Variants in GNAI2 observed in about 807,000 individuals in gnomAD.
GNAI2 encodes guanine nucleotide-binding protein G(i) subunit alpha-2.
In GNAI2, 4 loss-of-function variants were observed where a neutral mutation model predicts 36.8. The observed-to-expected ratio is 0.11, with a 90% CI of 0.05 to 0.25. The LOEUF (loss-of-function observed/expected upper bound fraction) is 0.25, where lower values mean the gene tolerates loss of function less well. Ranked by LOEUF, GNAI2 falls within the 10% of genes least tolerant of loss-of-function variation. The pLI, the probability that GNAI2 is intolerant of heterozygous loss-of-function variation, is 1.00. For missense variants in GNAI2, 230 were observed against 481.3 expected (o/e 0.48, Z 4.89); for synonymous variants, 194 against 194.1 (o/e 1.00, Z 0.01).
chr3:50,243,352 G>A (rs1700338670), intron 1 of GNAI2, among the ~76,000 whole-genome samples: 1 of 152,276 alleles, frequency 6.6e-6, no homozygotes, highest in African/African-American at 2.4e-5. Flanking sequence ...CAGGAAGGCA[G>A]AGGGCTGCTC....
At chr3:50,230,888 C>G in exon 1 of GNAI2, 1 of 985,182 alleles carries the variant, frequency 1.0e-6, no homozygotes, top group Non-Finnish European at 1.2e-6. Context: ...GAAAGGACTC[C>G]TGGATTCCTG....
chr3:50,251,997 A>G, intron 1 of GNAI2, 103 bp from the exon 2 acceptor site: 1 of 1,149,962 alleles, frequency 8.7e-7, no homozygotes, highest in Middle Eastern at 2.0e-4. Context: ...AGCTGGTGGG[A>G]AGGTTAGTTC....
Position 50,252,263 on chromosome 3 carries a change from A to G in GNAI2, c.161+121A>G. 1.4e-6 allele frequency: 2 copies of G among 1,390,194 alleles called. No individual in the cohort carries two copies. The highest frequency in any genetic ancestry group is 1.0e-6 in the Non-Finnish European group (1 of 985,632). 86.1% of individuals were successfully genotyped at this position (1,390,194 alleles called of 1,614,324 possible). A position where few individuals can be genotyped will look rare whatever the true frequency, so the allele number is the denominator to read the frequency against. The stretch of plus-strand genomic sequence containing the variant: ...TAGCCAGGCCCAGAATCTTCTGAGA[A>G]GCAGAAGGACCCTCAGGTCCCAGTG... On this transcript the variant is annotated intron_variant, in intron 2 of 8. Coordinates refer to ENST00000313601, the MANE Select transcript of GNAI2 (RefSeq NM_002070.4). The surrounding 1 kb of genome is among the most constrained non-coding windows in gnomAD (Gnocchi z 4.1).
chr3:50,247,911 C>T (rs1236955385), intron 1 of GNAI2, among the ~76,000 whole-genome samples: 1 of 152,248 alleles, frequency 6.6e-6, no homozygotes, highest in Non-Finnish European at 1.5e-5. Flanking sequence ...CTTCTATTGC[C>T]TCAGTTCCCC....
intron 1 of GNAI2, among the ~76,000 whole-genome samples, chr3:50,247,960 C>T (rs1243276789): frequency 2.6e-5 from 4 of 152,244 alleles, no homozygotes; most frequent in East Asian, 1.9e-4. Flanking sequence ...TCAGGCTGGA[C>T]GCGGTGGCTC....
chr3:50,251,878 T>C, intron 1 of GNAI2: 1 of 1,070,912 alleles, frequency 9.3e-7, no homozygotes, highest in Non-Finnish European at 1.3e-6. Flanking sequence ...GCAGAGAGTC[T>C]GCCATGGGGC....
chr3:50,235,176 T>G (rs1236712787), upstream of GNAI2: 1 of 151,826 alleles, frequency 6.6e-6, no homozygotes, highest in African/African-American at 2.4e-5. Context: ...CTCCCTTGGG[T>G]CCTGATTGCC....
chr3:50,248,100 T>C (rs1349448468), intron 1 of GNAI2, among the ~76,000 whole-genome samples: 17 of 152,216 alleles, frequency 1.1e-4, no homozygotes, highest in African/African-American at 4.1e-4. Context: ...CCGGGCGTGG[T>C]GGCACATGCC....
At position 50,238,825 on chromosome 3, in the gene GNAI2, C is replaced by G. The variant is rs1553700684; in HGVS notation, c.118+2372C>G. On this transcript the variant is annotated intron_variant, in intron 1 of 8. Coordinates refer to ENST00000313601, the MANE Select transcript of GNAI2 (RefSeq NM_002070.4). This position sits in a 1 kb window ranked among gnomAD's most constrained non-coding sequence, Gnocchi z 5.0. Reference sequence around the variant, plus strand: ...AAGTTCAGAGTTCTGGGCGCCTGTCCCATGTAGCGGGAGACTTTGTCCAGG... The same window carrying G: ...AAGTTCAGAGTTCTGGGCGCCTGTCGCATGTAGCGGGAGACTTTGTCCAGG... Among the ~76,000 whole-genome samples the G allele has an allele frequency of 1.3e-5, 2 of 152,218 alleles. No individual in the cohort carries two copies.
rs781998502 is a variant in GNAI2 at position 50,253,203 on chromosome 3, TGGGCA to T, written c.464+33_464+37del. Reference sequence around the variant, plus strand: ...CTGCCTAGTGAGTGCTCTGAGGGGCTGGGCAGGGCAGGGCAGGGGCTGGGGGAGGA... The same window carrying T: ...CTGCCTAGTGAGTGCTCTGAGGGGCTGGGCAGGGCAGGGGCTGGGGGAGGA... On this transcript the variant is annotated intron_variant, in intron 4 of 8. Coordinates refer to ENST00000313601, the MANE Select transcript of GNAI2 (RefSeq NM_002070.4). This position sits in a 1 kb window ranked among gnomAD's most constrained non-coding sequence, Gnocchi z 4.2. 6.9e-6 allele frequency: 11 copies of T among 1,587,316 alleles called. No individual in the cohort carries two copies. Among genetic ancestry groups the T allele is most frequent in the Non-Finnish European group, 8.6e-6 (10 of 1,158,576 alleles).
chr3:50,242,385 G>T lies in GNAI2; in HGVS notation c.118+5932G>T, dbSNP rs1294982271. Among the ~76,000 whole-genome samples, 11 of 152,210 alleles carry T rather than the reference G, an allele frequency of 7.2e-5. No individual in the cohort carries two copies. The highest frequency in any genetic ancestry group is 2.7e-4 in the African/African-American group (11 of 41,456). On this transcript the variant is annotated intron_variant, in intron 1 of 8. Transcript: ENST00000313601. This position sits in a 1 kb window ranked among gnomAD's most constrained non-coding sequence, Gnocchi z 4.8. ...CAGCCTAGGAGTTGAGCGAGGAGGGGAAGGGGTCAGCAGGTTCTGGCCAGG... is the reference window on the plus strand; with the variant it reads ...CAGCCTAGGAGTTGAGCGAGGAGGGTAAGGGGTCAGCAGGTTCTGGCCAGG...
At chr3:50,240,980 G>C (rs1553701024) in intron 1 of GNAI2, among the ~76,000 whole-genome samples, 2 of 151,946 alleles carry the variant, frequency 1.3e-5, no homozygotes, top group South Asian at 2.1e-4. Context: ...CTGAGAGTTT[G>C]GTGGGAAGGA....
chr3:50,244,787 A>G (rs587727469), intron 1 of GNAI2, among the ~76,000 whole-genome samples: 1 of 152,240 alleles, frequency 6.6e-6, no homozygotes, highest in Non-Finnish European at 1.5e-5. Context: ...GCCAGGCCGT[A>G]AGGGACTGAG....
chr3:50,257,130 T>G (rs1700721196), intron 7 of GNAI2, 40 bp downstream of exon 7: 2 of 1,587,448 alleles, frequency 1.3e-6, no homozygotes, highest in African/African-American at 1.3e-5. Context: ...GAGGGTTGCT[T>G]CTTGTCCCAA....
At position 50,256,924 on chromosome 3, in the gene GNAI2, A is replaced by G. The variant is rs1553703304; in HGVS notation, c.724-13A>G. 1 of 1,613,980 alleles carries G rather than the reference A, an allele frequency of 6.2e-7. No homozygotes were observed. The highest frequency in any genetic ancestry group is 8.5e-7 in the Non-Finnish European group (1 of 1,179,900). On this transcript the variant is annotated splice_polypyrimidine_tract_variant and intron_variant, in intron 6 of 8. Coordinates refer to ENST00000313601, the MANE Select transcript of GNAI2 (RefSeq NM_002070.4). ...AGTGGTGGCTAGCGTTGACCTTGCT[A>G]TTCTACCCCCAGAACCGCATGCATG...
In GNAI2 at chr3:50,255,817, G is replaced by A. The variant is rs1413229206; in HGVS notation, c.465-375G>A. On this transcript the variant is annotated intron_variant, in intron 4 of 8. Coordinates refer to ENST00000313601, the MANE Select transcript of GNAI2 (RefSeq NM_002070.4). This position sits in a 1 kb window ranked among gnomAD's most constrained non-coding sequence, Gnocchi z 4.0. ...TGTAATCCCAGCACTCTGGGAGGCCGAGGTGGGCGGATCACCTGAGGTTGA... is the reference window on the plus strand; with the variant it reads ...TGTAATCCCAGCACTCTGGGAGGCCAAGGTGGGCGGATCACCTGAGGTTGA... 7.2e-5 allele frequency among the ~76,000 whole-genome samples: 11 copies of A among 152,118 alleles called. No homozygotes were observed. In the South Asian group the frequency reaches 2.3e-3, roughly 32 times the overall value.
chr3:50,250,703 G>GTGGCCCCCCTGGTCCTTCTTTA (rs1199460232), intron 1 of GNAI2, among the ~76,000 whole-genome samples: 20 of 152,276 alleles, frequency 1.3e-4, no homozygotes, highest in African/African-American at 4.3e-4. Flanking sequence ...AGGGAGTTGG[G>GTGGCCCCCCTGGTCCTTCTTTA]TGGCCCCCCT....
chr3:50,251,490 C>A, intron 1 of GNAI2: 1 of 1,109,138 alleles, frequency 9.0e-7, no homozygotes, highest in Non-Finnish European at 1.1e-6. Flanking sequence ...GTGTGTGTTA[C>A]ACTGTAGGTC....
rs782396913 is a variant in GNAI2 at position 50,236,476 on chromosome 3, G to C, written c.118+23G>C. On this transcript the variant is annotated intron_variant, in intron 1 of 8. Coordinates refer to ENST00000313601, the MANE Select transcript of GNAI2 (RefSeq NM_002070.4). This position sits in a 1 kb window ranked among gnomAD's most constrained non-coding sequence, Gnocchi z 4.0. The stretch of plus-strand genomic sequence containing the variant: ...TGGGTGAGGCCGCGTCCCGCACTGG[G>C]ATCCTTGATTCCCAGCTCGAATCCC... 6.4e-6 allele frequency: 10 copies of C among 1,570,420 alleles called. No homozygotes were observed. The South Asian group carries it at 1.2e-4, about 18-fold the overall frequency.
Sources: allele counts gnomAD v4.1 joint callset (sites outside exome capture counted in the v4.1 genomes callset), GRCh38; gene constraint gnomAD v4.1.1; non-coding constraint Gnocchi (gnomAD v3.1); transcripts MANE v1.5; gene names NCBI Gene and HGNC (gene_info 2026-07-23, HGNC 2026-07-21).